The following CDK14 variants were observed in gnomAD, a reference collection of about 807,000 sequenced individuals.
The protein encoded by CDK14 is cyclin dependent kinase 14, also known as cyclin-dependent kinase 14.
A neutral mutation model predicts 60.7 loss-of-function variants in CDK14; 34 were observed. The observed-to-expected ratio is 0.56, with a 90% confidence interval of 0.43 to 0.75. CDK14 has a LOEUF of 0.75. CDK14 is among the 30% of genes least tolerant of loss of function. CDK14 has a pLI of 0.00. For synonymous variants in CDK14, 197 were observed against 203.7 expected, an observed-to-expected ratio of 0.97 and a Z score of 0.28; for missense variants, 482 against 564.1, an observed-to-expected ratio of 0.85 and a Z score of 1.47.
chr7:90,620,472 C>T (rs545080117), intron 2 of CDK14, among the ~76,000 whole-genome samples: 4 of 152,080 alleles, frequency 2.6e-5, no homozygotes, highest in Non-Finnish European at 5.9e-5. Flanking sequence ...AGTGCAAGAG[C>T]GCTGGAATCT....
chr7:91,107,123 G>T (rs1191242618), intron 12 of CDK14, among the ~76,000 whole-genome samples: 3 of 152,176 alleles, frequency 2.0e-5, no homozygotes, highest in African/African-American at 7.2e-5. Context: ...CTTTTCAGGA[G>T]GTTCATTTCA....
rs145768417 is a variant in CDK14, at chr7:90,681,927, A to T, written c.124-44640A>T. Among the ~76,000 whole-genome samples, 363 of 152,332 alleles carry T rather than the reference A, an allele frequency of 2.4e-3. 2 individuals are homozygous for T. Among genetic ancestry groups the T allele is most frequent in the African/African-American group, 8.2e-3 (342 of 41,578 alleles). On this transcript the variant is annotated intron_variant, in intron 2 of 14. Transcript: ENST00000380050. The stretch of plus-strand genomic sequence containing the variant: ...CTTGAGTGAATGTCCATTTATAAGA[A>T]TTAAGTTAACTGAAAATTTTAAGGT...
At chr7:90,683,364 C>T (rs1417991517) in intron 2 of CDK14, among the ~76,000 whole-genome samples, 1 of 152,164 alleles carries the variant, frequency 6.6e-6, no homozygotes, top group African/African-American at 2.4e-5. Context: ...AAGTTGGCTC[C>T]TATGTCTTAG....
chr7:91,044,180 G>A (rs141910262), intron 10 of CDK14, among the ~76,000 whole-genome samples: 11 of 151,500 alleles, frequency 7.3e-5, no homozygotes, highest in African/African-American at 2.4e-4. Context: ...CGAAACATGC[G>A]ACATCAATCA....
chr7:91,112,822 G>GGTGT (rs112066860), intron 13 of CDK14, 141 bp downstream of exon 13: 298 of 688,264 alleles, frequency 4.3e-4, no homozygotes, highest in African/African-American at 9.0e-4. Context: ...GTGCATTACA[G>GGTGT]GTGTGTGTGT....
chr7:90,860,802 C>T (rs1045536122), intron 5 of CDK14, among the ~76,000 whole-genome samples: 41 of 152,274 alleles, frequency 2.7e-4, no homozygotes, highest in African/African-American at 7.5e-4. Flanking sequence ...GGATTACATG[C>T]ATGAGCCACC....
Position 91,039,631 on chromosome 7 carries a change from A to G in CDK14, c.1042-6266A>G, listed in dbSNP as rs1199149946. On this transcript the variant is annotated intron_variant, in intron 10 of 14. Coordinates refer to ENST00000380050, the MANE Select transcript of CDK14 (RefSeq NM_001287135.2). ...AATGAATATTTGATTCAAGTATGCA[A>G]TTGGCATTTTTTAAGATTTCCATGC... 5.3e-5 allele frequency among the ~76,000 whole-genome samples: 8 copies of G among 152,248 alleles called. No homozygotes were observed. The South Asian group carries it at 6.3e-4, about 12-fold the overall frequency.
intron 2 of CDK14, among the ~76,000 whole-genome samples, chr7:90,719,449 T>G: frequency 6.6e-6 from 1 of 152,218 alleles, no homozygotes; most frequent in East Asian, 1.9e-4. Context: ...TAAGCTGTGC[T>G]CTTTCAAATC....
intron 4 of CDK14, among the ~76,000 whole-genome samples, chr7:90,756,776 G>A (rs1804076738): frequency 6.6e-6 from 1 of 152,170 alleles, no homozygotes; most frequent in Non-Finnish European, 1.5e-5. Flanking sequence ...ATAAATGTCT[G>A]CATCCCACCT....
At chr7:90,947,156 G>A (rs183240876) in intron 8 of CDK14, among the ~76,000 whole-genome samples, 14 of 152,252 alleles carry the variant, frequency 9.2e-5, no homozygotes, top group East Asian at 5.8e-4. Flanking sequence ...TAATGTACTC[G>A]TGTTTTTGGA....
At chr7:90,848,168 C>A (rs1477132330) in intron 5 of CDK14, among the ~76,000 whole-genome samples, 1 of 152,108 alleles carries the variant, frequency 6.6e-6, no homozygotes, top group Non-Finnish European at 1.5e-5. Flanking sequence ...GTGACATGAT[C>A]TTGGCTCACT....
chr7:91,089,966 G>T (rs987555544), intron 12 of CDK14, among the ~76,000 whole-genome samples: 10 of 152,250 alleles, frequency 6.6e-5, no homozygotes, highest in African/African-American at 2.4e-4. Context: ...AGTCAAGTGG[G>T]ACTTTACCTT....
intron 11 of CDK14, among the ~76,000 whole-genome samples, chr7:91,071,888 C>CTG (rs1798159363): frequency 6.6e-6 from 1 of 152,240 alleles, no homozygotes; most frequent in African/African-American, 2.4e-5. Context: ...AACACACTGG[C>CTG]TGTGGCAGAT....
intron 5 of CDK14, among the ~76,000 whole-genome samples, chr7:90,801,061 C>T (rs1242917722): frequency 6.6e-6 from 1 of 152,202 alleles, no homozygotes; most frequent in Non-Finnish European, 1.5e-5. Flanking sequence ...GCAAAGGCCC[C>T]ATTTGCAAAT....
chr7:91,012,179 T>C (rs1023623921), intron 10 of CDK14, among the ~76,000 whole-genome samples: 3 of 152,170 alleles, frequency 2.0e-5, no homozygotes, highest in African/African-American at 7.2e-5. Flanking sequence ...GATAAATTTT[T>C]CTGCACTACT....
intron 2 of CDK14, among the ~76,000 whole-genome samples, chr7:90,637,685 A>G (rs566118403): frequency 0.017 from 2,544 of 148,956 alleles, 70 homozygotes; most frequent in African/African-American, 0.06. Flanking sequence ...ATTCCTGGGT[A>G]TCCTTGTTAA....
intron 2 of CDK14, among the ~76,000 whole-genome samples, chr7:90,655,462 G>C (rs774403265): frequency 6.6e-6 from 1 of 152,032 alleles, no homozygotes; most frequent in African/African-American, 2.4e-5. Flanking sequence ...ATTTAAACTA[G>C]TCACAGTTAA....
At chr7:90,619,712 AG>A (rs1337883928) in intron 2 of CDK14, among the ~76,000 whole-genome samples, 3 of 152,218 alleles carry the variant, frequency 2.0e-5, no homozygotes, top group African/African-American at 7.2e-5. Context: ...AAGGAAAAAA[AG>A]AACTGGGTGC....
chr7:90,845,056 C>G (rs1790422672), intron 5 of CDK14, among the ~76,000 whole-genome samples: 1 of 152,118 alleles, frequency 6.6e-6, no homozygotes, highest in South Asian at 2.1e-4. Flanking sequence ...TTACACGTTC[C>G]TTTTTTGTGA....
Sources: allele counts gnomAD v4.1 joint callset (sites outside exome capture counted in the v4.1 genomes callset), GRCh38; gene constraint gnomAD v4.1.1; transcripts MANE v1.5; gene names NCBI Gene and HGNC (gene_info 2026-07-23, HGNC 2026-07-21).